RGPD5: variants seen among roughly 807,000 people sequenced by gnomAD.
RGPD5 encodes RANBP2 like and GRIP domain containing 5.
intron 1 of RGPD5, among the ~76,000 whole-genome samples, chr2:109,799,259 A>AG (rs1676933214): frequency 1.5e-5 from 2 of 136,410 alleles, no homozygotes; most frequent in South Asian, 2.4e-4. Context: ...AAAAAAAGGA[A>AG]GGGGGGAACA....
the RGPD5 span, among the ~76,000 whole-genome samples, chr2:109,767,227 C>T: frequency 4.8e-5 from 7 of 145,770 alleles, no homozygotes; most frequent in Non-Finnish European, 9.0e-5. Flanking sequence ...ACAGAAAGGC[C>T]GCATAAGGTC....
chr2:109,766,539 A>G, the RGPD5 span, among the ~76,000 whole-genome samples: 1 of 150,476 alleles, frequency 6.6e-6, no homozygotes, highest in Admixed American at 6.8e-5. Flanking sequence ...TGTGTGGGGA[A>G]ATGATTCCTT....
At chr2:109,794,612 G>GCCCC (rs1318356722) in intron 1 of RGPD5, 75 bp downstream of exon 1, 1 of 744,420 alleles carries the variant, frequency 1.3e-6, no homozygotes, top group African/African-American at 2.2e-5. Flanking sequence ...CGGCGGCGGG[G>GCCCC]GGGGCGGCGG....
the RGPD5 span, among the ~76,000 whole-genome samples, chr2:109,777,393 T>G: frequency 6.9e-6 from 1 of 144,490 alleles, no homozygotes; most frequent in Non-Finnish European, 1.5e-5. Context: ...TTGACTGATT[T>G]TTATATGTTG....
the RGPD5 span, among the ~76,000 whole-genome samples, chr2:109,761,582 G>C: frequency 6.7e-6 from 1 of 148,268 alleles, no homozygotes; most frequent in Non-Finnish European, 1.5e-5. Flanking sequence ...AATTCCAGTT[G>C]CGGGTGTCTT....
the RGPD5 span, among the ~76,000 whole-genome samples, chr2:109,761,853 G>A: frequency 6.7e-6 from 1 of 149,990 alleles, no homozygotes; most frequent in Non-Finnish European, 1.5e-5. Flanking sequence ...TTTTCCTTTT[G>A]CTTTAATTCA....
chr2:109,763,448 A>G, the RGPD5 span, among the ~76,000 whole-genome samples: 1 of 150,176 alleles, frequency 6.7e-6, no homozygotes, highest in East Asian at 2.0e-4. Flanking sequence ...CTTCAAATCC[A>G]GTCAGACAAT....
the RGPD5 span, among the ~76,000 whole-genome samples, chr2:109,766,394 G>A: frequency 1.3e-5 from 2 of 150,578 alleles, no homozygotes; most frequent in Admixed American, 1.4e-4. Flanking sequence ...AGTTCAGGGC[G>A]CCGAGAACTT....
At chr2:109,799,253 A>G (rs1323921831) in intron 1 of RGPD5, among the ~76,000 whole-genome samples, 1 of 137,992 alleles carries the variant, frequency 7.2e-6, no homozygotes, top group East Asian at 2.0e-4. Context: ...AAAAAAAAAA[A>G]AAGGAAGGGG....
At chr2:109,777,782 CT>C in the RGPD5 span, among the ~76,000 whole-genome samples, 2 of 144,492 alleles carry the variant, frequency 1.4e-5, no homozygotes, top group Non-Finnish European at 3.0e-5. Flanking sequence ...AATGTAATTT[CT>C]TATATGACAC....
the RGPD5 span, among the ~76,000 whole-genome samples, chr2:109,763,527 A>G: frequency 6.7e-6 from 1 of 150,296 alleles, no homozygotes; most frequent in Admixed American, 6.8e-5. Flanking sequence ...ATTACAAAAC[A>G]AAACCTCGAT....
At chr2:109,763,366 C>T in the RGPD5 span, among the ~76,000 whole-genome samples, 118 of 150,226 alleles carry the variant, frequency 7.9e-4, 8 homozygotes, top group African/African-American at 2.8e-3. Context: ...GGTAACCTGC[C>T]CAGAGTCACA....
the RGPD5 span, among the ~76,000 whole-genome samples, chr2:109,763,023 G>T: frequency 2.7e-5 from 4 of 148,532 alleles, no homozygotes; most frequent in African/African-American, 9.9e-5. Flanking sequence ...CTTATAGATG[G>T]TTCAAAATAA....
At chr2:109,765,833 G>A in the RGPD5 span, among the ~76,000 whole-genome samples, 2 of 150,876 alleles carry the variant, frequency 1.3e-5, no homozygotes, top group Non-Finnish European at 1.5e-5. Context: ...GGGGACATGC[G>A]CAGGCCAGTG....
At chr2:109,760,637 C>T in the RGPD5 span, among the ~76,000 whole-genome samples, 4 of 141,930 alleles carry the variant, frequency 2.8e-5, no homozygotes, top group Non-Finnish European at 4.6e-5. Context: ...CCTTGAGCGG[C>T]GCCTTTCGTC....
chr2:109,760,797 G>T, the RGPD5 span, among the ~76,000 whole-genome samples: 554 of 140,516 alleles, frequency 3.9e-3, 19 homozygotes, highest in African/African-American at 0.014. Flanking sequence ...GGCCGCTTCG[G>T]GCGGGCGGGA....
At chr2:109,771,422 G>A in the RGPD5 span, among the ~76,000 whole-genome samples, 1 of 104,302 alleles carries the variant, frequency 9.6e-6, no homozygotes, top group Non-Finnish European at 1.8e-5. Context: ...CCAGGACAGA[G>A]TTTGACTTGG....
the RGPD5 span, among the ~76,000 whole-genome samples, chr2:109,766,440 C>T: frequency 0.012 from 1,877 of 150,394 alleles, 76 homozygotes; most frequent in African/African-American, 0.044. Flanking sequence ...CAGAGGATAC[C>T]AGGGAGGAGG....
chr2:109,766,182 G>A, the RGPD5 span, among the ~76,000 whole-genome samples: 2 of 151,114 alleles, frequency 1.3e-5, no homozygotes, highest in African/African-American at 4.8e-5. Context: ...GAGGGGCCTC[G>A]GCAGGTACGA....
Sources: gnomAD v4.1 joint callset for allele counts (sites outside exome capture counted in the v4.1 genomes callset) on GRCh38, gnomAD v4.1.1 for gene constraint, MANE v1.5 for transcripts, NCBI Gene and HGNC (gene_info 2026-07-23, HGNC 2026-07-21) for gene names.